Variants in FAM120B observed in about 807,000 individuals in gnomAD.
The protein encoded by FAM120B is family with sequence similarity 120 member B, also known as constitutive coactivator of peroxisome proliferator-activated receptor gamma.
In FAM120B, 83 loss-of-function variants were observed where a neutral mutation model predicts 96.3. The ratio of observed to expected loss-of-function variants is 0.86; its 90% CI spans 0.72 to 1.03. FAM120B has a LOEUF of 1.03. Among genes scored for constraint, FAM120B ranks in the 50% least tolerant of loss-of-function variants. The pLI is 0.00. For missense variants in FAM120B, 1,027 were observed against 1,121.2 expected (o/e 0.92, Z 1.20); for synonymous variants, 407 against 402.7 (o/e 1.01, Z -0.13).
intron 9 of FAM120B, among the ~76,000 whole-genome samples, chr6:170,396,932 A>C (rs1778207312): frequency 6.6e-6 from 1 of 152,010 alleles, no homozygotes. Context: ...GCCCTAGGCG[A>C]CTCTGGCCTT....
chr6:170,364,484 C>T (rs1437825821), intron 6 of FAM120B, among the ~76,000 whole-genome samples: 2 of 152,166 alleles, frequency 1.3e-5, no homozygotes, highest in Non-Finnish European at 2.9e-5. Context: ...TCTTTATTTT[C>T]CAGCACCCAG....
intron 6 of FAM120B, among the ~76,000 whole-genome samples, chr6:170,373,614 A>G (rs1027418748): frequency 1.3e-5 from 2 of 152,224 alleles, no homozygotes; most frequent in Non-Finnish European, 2.9e-5. Flanking sequence ...GCTTTTCACA[A>G]GTCCCAAGGT....
chr6:170,356,539 T>C (rs1787964040), intron 5 of FAM120B, among the ~76,000 whole-genome samples: 1 of 152,186 alleles, frequency 6.6e-6, no homozygotes, highest in African/African-American at 2.4e-5. Flanking sequence ...TACAGTTGTG[T>C]CTTGGTATAT....
chr6:170,321,863 A>G lies in FAM120B; in HGVS notation c.1735-1216A>G, dbSNP rs550480746. Among the ~76,000 whole-genome samples, 195 of 152,366 alleles carry G rather than the reference A, an allele frequency of 1.3e-3. 1 individual carries two copies. Among genetic ancestry groups the G allele is most frequent in the African/African-American group, 4.5e-3 (186 of 41,582 alleles). ...GAGAGATTAAGACTGAAGCCTATGAATAATGAATCAACATAACTAGGACTA... is the reference window on the plus strand; with the variant it reads ...GAGAGATTAAGACTGAAGCCTATGAGTAATGAATCAACATAACTAGGACTA... On this transcript the variant is annotated intron_variant, in intron 2 of 10. Transcript: ENST00000476287.
chr6:170,377,855 C>CT (rs1789653066), intron 6 of FAM120B, among the ~76,000 whole-genome samples: 1 of 105,900 alleles, frequency 9.4e-6, no homozygotes, highest in African/African-American at 4.1e-5. Context: ...ATCCCAGATG[C>CT]CTGGGAGAGC....
At chr6:170,342,076 T>A (rs1417411620) in intron 4 of FAM120B, among the ~76,000 whole-genome samples, 1 of 152,066 alleles carries the variant, frequency 6.6e-6, no homozygotes, top group East Asian at 1.9e-4. Context: ...TGGAGTCCAG[T>A]GTTTGAGGGC....
chr6:170,336,141 G>A (rs1054799705), intron 4 of FAM120B, among the ~76,000 whole-genome samples: 10 of 152,130 alleles, frequency 6.6e-5, no homozygotes, highest in South Asian at 4.1e-4. Flanking sequence ...GTCCTGAATG[G>A]TATTGTCTAG....
chr6:170,362,429 G>A (rs186102644), intron 6 of FAM120B, among the ~76,000 whole-genome samples: 158 of 152,248 alleles, frequency 1.0e-3, no homozygotes, highest in Admixed American at 2.1e-3. Flanking sequence ...TGTGGAAAGA[G>A]GTATAATTGT....
chr6:170,323,878 G>T (rs1215376722), intron 3 of FAM120B, among the ~76,000 whole-genome samples: 1 of 152,130 alleles, frequency 6.6e-6, no homozygotes, highest in Non-Finnish European at 1.5e-5. Flanking sequence ...AATAGTTTTG[G>T]GGGGAATGAG....
intron 1 of FAM120B, among the ~76,000 whole-genome samples, chr6:170,317,039 A>G (rs753530514): frequency 1.2e-4 from 19 of 152,236 alleles, no homozygotes; most frequent in Non-Finnish European, 2.8e-4. Flanking sequence ...GAGTTCCTAG[A>G]TGAGAAATAC....
At chr6:170,343,853 T>G (rs1276943600) in intron 4 of FAM120B, among the ~76,000 whole-genome samples, 1 of 152,162 alleles carries the variant, frequency 6.6e-6, no homozygotes, top group Non-Finnish European at 1.5e-5. Context: ...GTTTACCAGC[T>G]TTGTTCACTA....
rs1002264857 is a variant in FAM120B, at chr6:170,317,831, A to G, written c.441A>G (p.Thr147=). ...TGTTTACACGATTTGCTCTAAAGACACTGGGCCAGGAAACTTTGTGTTCTT... is the reference window on the plus strand; with the variant it reads ...TGTTTACACGATTTGCTCTAAAGACGCTGGGCCAGGAAACTTTGTGTTCTT... ...LAVFTRFALK[T]LGQETLCSLQ... Residue 147 remains threonine (T), a synonymous_variant, in exon 2 of 11, where the codon ACA becomes ACG. Coordinates refer to ENST00000476287, the MANE Select transcript of FAM120B (RefSeq NM_032448.3). 1.2e-6 allele frequency: 2 copies of G among 1,614,248 alleles called. No homozygotes were observed. Among genetic ancestry groups the G allele is most frequent in the South Asian group, 2.2e-5 (2 of 91,090 alleles).
At chr6:170,399,224 A>G (rs1285557097) in intron 9 of FAM120B, among the ~76,000 whole-genome samples, 1 of 147,168 alleles carries the variant, frequency 6.8e-6, no homozygotes, top group African/African-American at 2.6e-5. Flanking sequence ...AGGTAGAACT[A>G]TGTCATAACT....
chr6:170,344,693 A>G (rs1399922628), intron 4 of FAM120B, among the ~76,000 whole-genome samples: 1 of 151,914 alleles, frequency 6.6e-6, no homozygotes, highest in Non-Finnish European at 1.5e-5. Flanking sequence ...GCTTCCCCTA[A>G]TCGTTGCGTG....
At chr6:170,379,195 CTG>C (rs1789761767) in intron 6 of FAM120B, among the ~76,000 whole-genome samples, 1 of 152,198 alleles carries the variant, frequency 6.6e-6, no homozygotes, top group East Asian at 1.9e-4. Flanking sequence ...AAAAATATAC[CTG>C]TGTTTTCACT....
chr6:170,312,209 C>A (rs1784635522), intron 1 of FAM120B, among the ~76,000 whole-genome samples: 1 of 151,984 alleles, frequency 6.6e-6, no homozygotes, highest in South Asian at 2.1e-4. Flanking sequence ...AAAATTTTTT[C>A]TTGTGTTTTC....
rs1785119645 is a variant in FAM120B at position 170,319,010 on chromosome 6, T to G, written c.1620T>G (p.Phe540Leu). 1 of 1,614,140 alleles carries G rather than the reference T, an allele frequency of 6.2e-7. No homozygotes were observed. Among genetic ancestry groups the G allele is most frequent in the East Asian group, 2.2e-5 (1 of 44,880 alleles). Residue 540 changes from phenylalanine to leucine, a missense_variant, in exon 2 of 11, where the codon TTT becomes TTG. Phe to Leu is a conservative substitution (Grantham distance 22). Around this residue, in one of 3 missense-constraint regions of FAM120B, gnomAD observed 880 missense variants for 980.9 expected, o/e 0.90. Coordinates refer to ENST00000476287, the MANE Select transcript of FAM120B (RefSeq NM_032448.3). ...TACCTGTAGCAACAGATTTTGAATT[T>G]AAGCTAGAAGCTCTCATGTGTACAA... ...QKLPVATDFE[F>L]KLEALMCTNP...
intron 4 of FAM120B, among the ~76,000 whole-genome samples, chr6:170,347,525 T>C (rs1787272312): frequency 6.6e-6 from 1 of 152,330 alleles, no homozygotes; most frequent in Middle Eastern, 3.4e-3. Flanking sequence ...AAAAATTACA[T>C]TTTAGGAATT....
intron 2 of FAM120B, among the ~76,000 whole-genome samples, 170 bp downstream of exon 2, chr6:170,319,294 A>C (rs892146900): frequency 1.3e-5 from 2 of 152,252 alleles, no homozygotes; most frequent in African/African-American, 4.8e-5. Flanking sequence ...ACTCACAACC[A>C]ATGTTGGATA....
Sources: gnomAD v4.1 joint callset for allele counts (sites outside exome capture counted in the v4.1 genomes callset) on GRCh38, gnomAD v4.1.1 for gene constraint, gnomAD v4.1.1 regional missense constraint, MANE v1.5 for transcripts, NCBI Gene and HGNC (gene_info 2026-07-23, HGNC 2026-07-21) for gene names.